Variants in NBAS observed in about 807,000 individuals in gnomAD.
NBAS encodes NBAS subunit of NRZ tethering complex, also known as NAG/BC035112 fusion.
Under a neutral mutation model 302.5 loss-of-function variants are expected in NBAS, and 219 were observed. That is an observed-to-expected ratio of 0.72 (90% CI 0.65 to 0.81). NBAS has a LOEUF of 0.81. Among genes scored for constraint, NBAS ranks in the 30% least tolerant of loss-of-function variants. The pLI is 0.00. For missense variants in NBAS, 2,932 were observed against 2,841.6 expected, an observed-to-expected ratio of 1.03 and a Z score of -0.72; for synonymous variants, 1,118 against 1,021.6, an observed-to-expected ratio of 1.09 and a Z score of -1.80.
At chr2:14,785,888 G>T in the NBAS span, among the ~76,000 whole-genome samples, 11 of 152,136 alleles carry the variant, frequency 7.2e-5, no homozygotes, top group East Asian at 1.7e-3. Flanking sequence ...ATAGTTTCAG[G>T]AGGAATGGTA....
the NBAS span, among the ~76,000 whole-genome samples, chr2:14,859,314 C>T: frequency 6.6e-6 from 1 of 151,850 alleles, no homozygotes; most frequent in Non-Finnish European, 1.5e-5. Flanking sequence ...TGACATTCTT[C>T]ACTGAAATAG....
chr2:15,500,660 G>C (rs1661479141), intron 11 of NBAS, among the ~76,000 whole-genome samples: 1 of 29,624 alleles, frequency 3.4e-5, no homozygotes, highest in South Asian at 9.4e-4. Flanking sequence ...AAAAGGCCAG[G>C]TGCGGTGGCT....
At position 15,450,312 on chromosome 2, in the gene NBAS, T is replaced by G. The variant is rs370988595; in HGVS notation, c.2339+10889A>C. Among the ~76,000 whole-genome samples, 141 of 152,324 alleles carry G rather than the reference T, an allele frequency of 9.3e-4. 2 individuals carry two copies. In the South Asian group the frequency reaches 0.02, roughly 22 times the overall value. ...CAATATGATATACACAAAGACTCAGTATGTGAAATACTTTGGATTAAATAT... is the reference window on the plus strand; with the variant it reads ...CAATATGATATACACAAAGACTCAGGATGTGAAATACTTTGGATTAAATAT... On this transcript the variant is annotated intron_variant, in intron 21 of 51. Transcript: ENST00000281513.
At chr2:14,967,769 C>T in the NBAS span, among the ~76,000 whole-genome samples, 3 of 152,074 alleles carry the variant, frequency 2.0e-5, no homozygotes, top group Non-Finnish European at 4.4e-5. Context: ...AAAGGTAATC[C>T]ACAGAATGGA....
chr2:15,100,339 T>C, the NBAS span, among the ~76,000 whole-genome samples: 1 of 152,110 alleles, frequency 6.6e-6, no homozygotes, highest in African/African-American at 2.4e-5. Flanking sequence ...AAGAGTGTGG[T>C]TATAAAGATA....
At chr2:15,553,791 T>C (rs1573008746) in intron 4 of NBAS, among the ~76,000 whole-genome samples, 1 of 109,738 alleles carries the variant, frequency 9.1e-6, no homozygotes, top group South Asian at 3.5e-4. Context: ...TCTCTCTCCC[T>C]CCCTCCCTCT....
the NBAS span, among the ~76,000 whole-genome samples, chr2:14,975,135 T>C: frequency 6.6e-6 from 1 of 152,088 alleles, no homozygotes; most frequent in African/African-American, 2.4e-5. Flanking sequence ...GAAGCAGATT[T>C]TTCCCCAGAG....
At chr2:15,408,253 A>G (rs1486818839) in intron 25 of NBAS, among the ~76,000 whole-genome samples, 1 of 152,204 alleles carries the variant, frequency 6.6e-6, no homozygotes, top group African/African-American at 2.4e-5. Context: ...CGCATACTTG[A>G]CTATTCAAAG....
the NBAS span, among the ~76,000 whole-genome samples, chr2:14,926,454 T>C: frequency 2.0e-5 from 3 of 151,014 alleles, no homozygotes; most frequent in Admixed American, 1.3e-4. Flanking sequence ...TGTCTTGGAG[T>C]ACAAAAATTG....
At chr2:15,098,313 G>GTATACAA in the NBAS span, among the ~76,000 whole-genome samples, 85 of 1,626 alleles carry the variant, frequency 0.052, 36 homozygotes, top group South Asian at 0.095. Context: ...ATAATATATT[G>GTATACAA]TATATCATAT....
chr2:15,106,481 C>G, the NBAS span, among the ~76,000 whole-genome samples: 2 of 150,734 alleles, frequency 1.3e-5, no homozygotes, highest in East Asian at 3.9e-4. Flanking sequence ...CTCTCTCTCA[C>G]TCTCCAGTCC....
the NBAS span, among the ~76,000 whole-genome samples, chr2:14,821,237 C>G: frequency 6.6e-6 from 1 of 152,094 alleles, no homozygotes; most frequent in Non-Finnish European, 1.5e-5. Flanking sequence ...CAGAGACACT[C>G]TTAAAAACCA....
At chr2:14,835,873 T>C in the NBAS span, among the ~76,000 whole-genome samples, 1 of 151,970 alleles carries the variant, frequency 6.6e-6, no homozygotes, top group African/African-American at 2.4e-5. Flanking sequence ...ATCCTCAACT[T>C]ACGTAGAAAA....
chr2:15,077,690 C>CTTT, the NBAS span, among the ~76,000 whole-genome samples: 3 of 134,930 alleles, frequency 2.2e-5, 1 homozygote, highest in Admixed American at 1.4e-4. Context: ...CTTTTTTTTT[C>CTTT]TTTTTTTTTT....
chr2:15,151,239 G>C, the NBAS span, among the ~76,000 whole-genome samples: 4 of 152,120 alleles, frequency 2.6e-5, no homozygotes, highest in African/African-American at 9.7e-5. Context: ...GAAAAACAAG[G>C]GGCCAATTTG....
the NBAS span, among the ~76,000 whole-genome samples, chr2:15,111,343 C>T: frequency 6.6e-6 from 1 of 152,068 alleles, no homozygotes; most frequent in Non-Finnish European, 1.5e-5. Flanking sequence ...TGACAAGATA[C>T]CCCATGAATC....
At chr2:15,243,361 A>G (rs1667947797) in intron 44 of NBAS, among the ~76,000 whole-genome samples, 1 of 152,176 alleles carries the variant, frequency 6.6e-6, no homozygotes, top group African/African-American at 2.4e-5. Flanking sequence ...TAAGGAGAAC[A>G]TGGGGCCCAG....
chr2:15,539,984 T>A (rs1278713481), intron 6 of NBAS, among the ~76,000 whole-genome samples: 1 of 152,006 alleles, frequency 6.6e-6, no homozygotes, highest in East Asian at 1.9e-4. Context: ...TTCTAATAAC[T>A]CAGCAACTGA....
At chr2:14,783,567 G>A in the NBAS span, among the ~76,000 whole-genome samples, 24 of 147,326 alleles carry the variant, frequency 1.6e-4, no homozygotes, top group Non-Finnish European at 3.0e-4. Context: ...GAGAACATGC[G>A]GTGTTTGGTT....
Sources: allele counts gnomAD v4.1 joint callset (sites outside exome capture counted in the v4.1 genomes callset), GRCh38; gene constraint gnomAD v4.1.1; transcripts MANE v1.5; gene names NCBI Gene and HGNC (gene_info 2026-07-23, HGNC 2026-07-21).